NLGN1: variants seen among roughly 807,000 people sequenced by gnomAD.
NLGN1 encodes neuroligin-1.
In NLGN1, 12 loss-of-function variants were observed where a neutral mutation model predicts 65.5. The observed-to-expected ratio is 0.18, with a 90% CI of 0.12 to 0.30. NLGN1 has a LOEUF of 0.30. NLGN1 is among the 10% of genes least tolerant of loss of function. The pLI is 1.00. For missense variants in NLGN1, 750 were observed against 1,007.1 expected (o/e 0.74, Z 3.46); for synonymous variants, 350 against 359.5 (o/e 0.97, Z 0.30).
intron 3 of NLGN1, among the ~76,000 whole-genome samples, chr3:173,630,666 G>T (rs982085724): frequency 6.6e-5 from 10 of 151,240 alleles, no homozygotes; most frequent in African/African-American, 2.4e-4. Context: ...TCAATCCTTT[G>T]TGAGGCCTAT....
Position 173,692,036 on chromosome 3 carries a change from A to G in NLGN1, c.493+86945A>G, listed in dbSNP as rs574798142. ...GTATCTTGAATGTTGTGGATTTAAT[A>G]GGTCAGAAAATAATAGAAGATTTAT... On this transcript the variant is annotated intron_variant, in intron 3 of 6. Transcript: ENST00000457714. Among the ~76,000 whole-genome samples, 25 of 152,254 alleles carry G rather than the reference A, an allele frequency of 1.6e-4. 1 individual carries two copies. The South Asian group carries it at 5.2e-3, about 32-fold the overall frequency.
At chr3:173,573,521 AAT>A (rs973322757) in intron 2 of NLGN1, among the ~76,000 whole-genome samples, 1 of 148,172 alleles carries the variant, frequency 6.7e-6, no homozygotes, top group Non-Finnish European at 1.5e-5. Flanking sequence ...CAGTATATTT[AAT>A]ATATAATCAT....
At chr3:173,616,946 C>T (rs527751595) in intron 3 of NLGN1, among the ~76,000 whole-genome samples, 1 of 152,234 alleles carries the variant, frequency 6.6e-6, no homozygotes, top group African/African-American at 2.4e-5. Context: ...TAAGACTCTA[C>T]GTAGTAACTC....
intron 4 of NLGN1, among the ~76,000 whole-genome samples, chr3:173,920,148 G>A (rs1741691021): frequency 6.6e-6 from 1 of 151,730 alleles, no homozygotes; most frequent in South Asian, 2.1e-4. Flanking sequence ...GATACTCTGA[G>A]GCCACTTATT....
chr3:173,450,795 G>T (rs1345645007), intron 2 of NLGN1, among the ~76,000 whole-genome samples: 1 of 152,002 alleles, frequency 6.6e-6, no homozygotes, highest in Admixed American at 6.6e-5. Context: ...TTGTATTCAC[G>T]CTTCATTTCA....
chr3:173,690,973 G>C (rs1255492175), intron 3 of NLGN1, among the ~76,000 whole-genome samples: 1 of 152,072 alleles, frequency 6.6e-6, no homozygotes, highest in Non-Finnish European at 1.5e-5. Context: ...GTTGTAGAAG[G>C]GTGAACACAG....
rs554229250 is a variant in NLGN1 at position 173,683,154 on chromosome 3, G to A, written c.493+78063G>A. Among the ~76,000 whole-genome samples the A allele has an allele frequency of 2.0e-5, 3 of 152,238 alleles. No homozygotes were observed. In the East Asian group the frequency reaches 5.8e-4, roughly 29 times the overall value. On this transcript the variant is annotated intron_variant, in intron 3 of 6. Coordinates refer to ENST00000457714, the Ensembl canonical transcript of NLGN1. ...CAGCTGGCATGTATTTATAAATGATGTATAAGAATCTATTTTTTGCTCCTT... is the reference window on the plus strand; with the variant it reads ...CAGCTGGCATGTATTTATAAATGATATATAAGAATCTATTTTTTGCTCCTT...
At chr3:173,919,715 G>A (rs531302188) in intron 4 of NLGN1, among the ~76,000 whole-genome samples, 2 of 152,078 alleles carry the variant, frequency 1.3e-5, no homozygotes, top group South Asian at 2.1e-4. Flanking sequence ...ATATTAAATG[G>A]CTAATTGTAC....
chr3:173,623,707 G>A (rs1443748996), intron 3 of NLGN1, among the ~76,000 whole-genome samples: 1 of 152,078 alleles, frequency 6.6e-6, no homozygotes. Flanking sequence ...GGTAGGCAAA[G>A]GGGAGCTACC....
chr3:173,677,096 A>G (rs1004800786), intron 3 of NLGN1, among the ~76,000 whole-genome samples: 3 of 152,070 alleles, frequency 2.0e-5, no homozygotes, highest in Non-Finnish European at 4.4e-5. Flanking sequence ...GGGAAAGACT[A>G]TTTGTGTAGC....
At chr3:173,568,183 C>A (rs1744010007) in intron 2 of NLGN1, among the ~76,000 whole-genome samples, 2 of 148,582 alleles carry the variant, frequency 1.3e-5, no homozygotes, top group African/African-American at 4.9e-5. Flanking sequence ...TCTTTCTTTT[C>A]TTCCCTTTTC....
intron 2 of NLGN1, among the ~76,000 whole-genome samples, chr3:173,540,080 G>A (rs879348126): frequency 6.6e-6 from 1 of 151,770 alleles, no homozygotes; most frequent in African/African-American, 2.4e-5. Context: ...CAGTTTCTAC[G>A]AAGGCCCAGT....
intron 3 of NLGN1, among the ~76,000 whole-genome samples, chr3:173,804,657 C>CAAAAAAA (rs34786560): frequency 8.0e-5 from 11 of 138,024 alleles, no homozygotes; most frequent in African/African-American, 2.9e-4. Flanking sequence ...CTATTTACAT[C>CAAAAAAA]AAAAAAAAAA....
chr3:174,097,686 A>G (rs1191876249), intron 4 of NLGN1, among the ~76,000 whole-genome samples: 1 of 152,176 alleles, frequency 6.6e-6, no homozygotes, highest in African/African-American at 2.4e-5. Flanking sequence ...AAAACATAAT[A>G]TGTAATGGAA....
intron 4 of NLGN1, among the ~76,000 whole-genome samples, chr3:173,852,199 A>T (rs1177516722): frequency 6.6e-6 from 1 of 151,024 alleles, no homozygotes; most frequent in Admixed American, 6.6e-5. Flanking sequence ...TACTAAAAAT[A>T]CAAAAAATTA....
At chr3:173,824,790 C>T (rs902799059) in intron 4 of NLGN1, among the ~76,000 whole-genome samples, 9 of 151,994 alleles carry the variant, frequency 5.9e-5, no homozygotes, top group Non-Finnish European at 7.4e-5. Flanking sequence ...TAAAATGCTC[C>T]GTATCTATAG....
intron 3 of NLGN1, among the ~76,000 whole-genome samples, chr3:173,667,075 G>A (rs1761803520): frequency 6.6e-6 from 1 of 151,970 alleles, no homozygotes; most frequent in Non-Finnish European, 1.5e-5. Context: ...ACATGATAAT[G>A]GATTACAACA....
chr3:174,030,925 T>G (rs1046101418), intron 4 of NLGN1, among the ~76,000 whole-genome samples: 5 of 152,228 alleles, frequency 3.3e-5, no homozygotes, highest in Non-Finnish European at 7.3e-5. Flanking sequence ...TTTAGATTCA[T>G]GTTAAACCTT....
At chr3:173,775,065 AAT>A (rs1780107763) in intron 3 of NLGN1, among the ~76,000 whole-genome samples, 2 of 152,260 alleles carry the variant, frequency 1.3e-5, no homozygotes, top group South Asian at 2.1e-4. Context: ...TAGTCAATAA[AAT>A]AGTTTTTTAT....
Sources: gnomAD v4.1 joint callset for allele counts (sites outside exome capture counted in the v4.1 genomes callset) on GRCh38, gnomAD v4.1.1 for gene constraint, MANE v1.5 for transcripts, NCBI Gene and HGNC (gene_info 2026-07-23, HGNC 2026-07-21) for gene names.